The following IL23R variants were observed in gnomAD, a reference collection of about 807,000 sequenced individuals.
IL23R encodes the protein interleukin-23 receptor.
IL23R carries 34 observed loss-of-function variants against 56.9 expected under a neutral mutation model. The ratio of observed to expected loss-of-function variants is 0.60; its 90% CI spans 0.45 to 0.80. IL23R has a LOEUF of 0.80. Ranked by LOEUF, IL23R falls within the 30% of genes least tolerant of loss-of-function variation. IL23R has a pLI of 0.00. For missense variants in IL23R, 635 were observed against 730.0 expected (o/e 0.87, Z 1.50); for synonymous variants, 230 against 249.2 (o/e 0.92, Z 0.73).
intron 6 of IL23R, among the ~76,000 whole-genome samples, chr1:67,210,220 A>G (rs942732430): frequency 2.0e-5 from 3 of 151,668 alleles, no homozygotes; most frequent in Non-Finnish European, 4.4e-5. Context: ...CTAGTGTCTT[A>G]AGAAAGGCAT....
intron 1 of IL23R, among the ~76,000 whole-genome samples, chr1:67,160,294 T>C (rs370294872): frequency 5.8e-4 from 89 of 152,342 alleles, no homozygotes; most frequent in Middle Eastern, 3.4e-3. Context: ...CTAGTCACTG[T>C]TGTATACACC....
intron 7 of IL23R, among the ~76,000 whole-genome samples, chr1:67,235,792 C>T (rs547469368): frequency 9.2e-5 from 14 of 152,194 alleles, no homozygotes; most frequent in Non-Finnish European, 1.6e-4. Context: ...CCACACTACT[C>T]CTTATACAAG....
intron 9 of IL23R, among the ~76,000 whole-genome samples, chr1:67,248,751 T>A (rs1253818460): frequency 6.6e-6 from 1 of 152,156 alleles, no homozygotes; most frequent in Non-Finnish European, 1.5e-5. Flanking sequence ...AGCCAGTGGA[T>A]CTTAGCTTGC....
intron 4 of IL23R, 70 bp downstream of exon 4, chr1:67,183,029 G>A: frequency 2.6e-6 from 4 of 1,566,934 alleles, no homozygotes; most frequent in Non-Finnish European, 3.5e-6. Flanking sequence ...GCCTCCAGCA[G>A]AGATCCAAGA....
At chr1:67,170,676 T>TA (rs1003590890) in intron 3 of IL23R, among the ~76,000 whole-genome samples, 6 of 152,234 alleles carry the variant, frequency 3.9e-5, no homozygotes, top group East Asian at 1.9e-4. Flanking sequence ...CCATTTTCAG[T>TA]AAAAAAATAA....
upstream of IL23R, among the ~76,000 whole-genome samples, chr1:67,162,532 C>T (rs979612191): frequency 1.3e-5 from 2 of 152,246 alleles, no homozygotes; most frequent in East Asian, 1.9e-4. Flanking sequence ...CATATTCCTT[C>T]GATATCCTAG....
chr1:67,246,911 G>T (rs557289170), intron 9 of IL23R, among the ~76,000 whole-genome samples: 21 of 152,234 alleles, frequency 1.4e-4, no homozygotes, highest in South Asian at 4.2e-4. Context: ...TGACAGTGGG[G>T]TGTTAAAGTC....
rs1400575409 is a variant in IL23R, at chr1:67,182,952, G to T, written c.484G>T (p.Val162Leu). The T allele has an allele frequency of 1.9e-6, 3 of 1,613,880 alleles. No individual in the cohort carries two copies. The African/African-American group carries it at 4.0e-5, about 22-fold the overall frequency. ...CATAGACACAAAATACGTGGTACAT[G>T]TGAAGAGGTAGGTCACTTCCTCACG... is the stretch of plus-strand genomic sequence containing the variant. ...TYIDTKYVVH[V>L]KSLETEEEQQ... The change falls in exon 4 of 11, where the codon GTG (valine) becomes TTG (leucine). Residue 162 changes from valine (V) to leucine (L), a missense_variant. By Grantham distance (32) the Val-to-Leu change is conservative (BLOSUM62 1). Transcript: ENST00000347310.
At chr1:67,181,417 G>A (rs1167104774) in intron 3 of IL23R, among the ~76,000 whole-genome samples, 3 of 152,166 alleles carry the variant, frequency 2.0e-5, no homozygotes, top group Non-Finnish European at 4.4e-5. Context: ...TCTTCCAGTT[G>A]ATCGAATTGG....
At chr1:67,200,962 G>A in intron 5 of IL23R, 65 bp downstream of exon 5, 1 of 1,515,562 alleles carries the variant, frequency 6.6e-7, no homozygotes, top group East Asian at 2.3e-5. Flanking sequence ...TGTCAAATGA[G>A]GTCTAGATCT....
chr1:67,153,171 T>A (rs1034548739), intron 1 of IL23R, among the ~76,000 whole-genome samples: 2 of 152,164 alleles, frequency 1.3e-5, no homozygotes, highest in African/African-American at 4.8e-5. Flanking sequence ...CCTAGTTTAG[T>A]TTTGGGAGGT....
intron 7 of IL23R, among the ~76,000 whole-genome samples, chr1:67,233,178 G>C (rs2100296838): frequency 8.7e-6 from 1 of 115,558 alleles, no homozygotes; most frequent in East Asian, 2.7e-4. Flanking sequence ...GTGAAATCCT[G>C]TCTCTACTAA....
At chr1:67,247,660 T>G (rs995722986) in intron 9 of IL23R, among the ~76,000 whole-genome samples, 5 of 152,208 alleles carry the variant, frequency 3.3e-5, no homozygotes, top group Admixed American at 2.0e-4. Flanking sequence ...CTTGTCATTA[T>G]GATGTTAGCT....
intron 5 of IL23R, 64 bp downstream of exon 5, chr1:67,200,961 A>C (rs1049813164): frequency 1.3e-6 from 2 of 1,527,902 alleles, no homozygotes; most frequent in Non-Finnish European, 1.8e-6. Flanking sequence ...TTGTCAAATG[A>C]GGTCTAGATC....
chr1:67,222,264 C>A (rs886648251), intron 7 of IL23R, among the ~76,000 whole-genome samples: 1 of 151,690 alleles, frequency 6.6e-6, no homozygotes, highest in Admixed American at 6.6e-5. Flanking sequence ...TTACAGGCAC[C>A]CACCACTATG....
chr1:67,210,479 T>C (rs77654848), intron 6 of IL23R, among the ~76,000 whole-genome samples: 1 of 152,086 alleles, frequency 6.6e-6, no homozygotes. Context: ...GTTTTTTTTT[T>C]AGAGATAGAC....
chr1:67,197,179 G>A (rs942612993), intron 4 of IL23R, among the ~76,000 whole-genome samples: 5 of 152,194 alleles, frequency 3.3e-5, no homozygotes, highest in African/African-American at 1.2e-4. Flanking sequence ...AGGTGTGAGA[G>A]AGGAAGGCCC....
intron 6 of IL23R, among the ~76,000 whole-genome samples, chr1:67,218,267 T>TAC (rs1354328741): frequency 1.9e-5 from 1 of 52,594 alleles, no homozygotes; most frequent in Non-Finnish European, 3.2e-5. Context: ...CTCTGACACA[T>TAC]ACACATATAT....
intron 6 of IL23R, among the ~76,000 whole-genome samples, chr1:67,217,958 C>T (rs1558248937): frequency 6.6e-6 from 1 of 151,116 alleles, no homozygotes; most frequent in African/African-American, 2.4e-5. Context: ...CTGATAACTG[C>T]TTTCACCTAG....
Sources: gnomAD v4.1 joint callset for allele counts (sites outside exome capture counted in the v4.1 genomes callset) on GRCh38, gnomAD v4.1.1 for gene constraint, MANE v1.5 for transcripts, NCBI Gene and HGNC (gene_info 2026-07-23, HGNC 2026-07-21) for gene names.